CSMD1: variants seen among roughly 807,000 people sequenced by gnomAD.
The protein encoded by CSMD1 is CUB and Sushi multiple domains 1.
CSMD1 carries 213 observed loss-of-function variants against 417.5 expected under a neutral mutation model. That is an observed-to-expected ratio of 0.51 (90% CI 0.46 to 0.57). The LOEUF (loss-of-function observed/expected upper bound fraction) is 0.57. Ranked by LOEUF, CSMD1 falls within the 20% of genes least tolerant of loss-of-function variation. CSMD1 has a pLI of 0.00. For synonymous variants in CSMD1, 2,862 were observed against 1,736.8 expected, an observed-to-expected ratio of 1.65 and a Z score of -16.11; for missense variants, 6,923 against 4,529.7, an observed-to-expected ratio of 1.53 and a Z score of -15.17.
At chr8:3,896,339 T>A (rs555688371) in intron 5 of CSMD1, among the ~76,000 whole-genome samples, 8 of 152,318 alleles carry the variant, frequency 5.3e-5, no homozygotes, top group African/African-American at 1.7e-4. Context: ...TATACTCACT[T>A]TGCTGAATTA....
At chr8:3,832,005 A>AT (rs555096281) in intron 5 of CSMD1, among the ~76,000 whole-genome samples, 145 of 152,182 alleles carry the variant, frequency 9.5e-4, no homozygotes, top group African/African-American at 3.4e-3. Context: ...TTTTTGGTAA[A>AT]TTTTTAAAAA....
intron 12 of CSMD1, among the ~76,000 whole-genome samples, chr8:3,416,089 C>T (rs1813127355): frequency 6.6e-6 from 1 of 151,900 alleles, no homozygotes. Context: ...ATCATGAGGT[C>T]AGGAGATCGA....
chr8:4,007,590 C>T (rs1215663806), intron 4 of CSMD1, among the ~76,000 whole-genome samples: 1 of 152,194 alleles, frequency 6.6e-6, no homozygotes, highest in South Asian at 2.1e-4. Context: ...GAGTGCAAAG[C>T]AATGGAATGC....
intron 5 of CSMD1, among the ~76,000 whole-genome samples, chr8:3,827,659 T>A (rs1201488358): frequency 6.6e-6 from 1 of 152,254 alleles, no homozygotes; most frequent in Non-Finnish European, 1.5e-5. Context: ...AAACATGATT[T>A]TTGAAAGTCA....
At chr8:3,769,666 A>G (rs1798467688) in intron 5 of CSMD1, among the ~76,000 whole-genome samples, 1 of 152,170 alleles carries the variant, frequency 6.6e-6, no homozygotes, top group Non-Finnish European at 1.5e-5. Context: ...AGCTCTTTGT[A>G]TATCTATATA....
chr8:4,120,416 T>C (rs1320348717), intron 3 of CSMD1, among the ~76,000 whole-genome samples: 3 of 152,232 alleles, frequency 2.0e-5, no homozygotes, highest in Non-Finnish European at 4.4e-5. Context: ...CAATTGTTTG[T>C]TGAGTTTTCT....
intron 3 of CSMD1, among the ~76,000 whole-genome samples, chr8:4,359,850 G>C (rs1243274185): frequency 1.3e-5 from 2 of 152,236 alleles, no homozygotes; most frequent in African/African-American, 2.4e-5. Context: ...GCAAGACTCA[G>C]TGCAAGTCCA....
chr8:4,344,386 CAG>C (rs1488276930), intron 3 of CSMD1, among the ~76,000 whole-genome samples: 1 of 152,064 alleles, frequency 6.6e-6, no homozygotes, highest in African/African-American at 2.4e-5. Context: ...CGCTCAAGCT[CAG>C]AGAGTACCTA....
At chr8:4,213,357 C>G (rs1023237012) in intron 3 of CSMD1, among the ~76,000 whole-genome samples, 1 of 151,856 alleles carries the variant, frequency 6.6e-6, no homozygotes, top group Non-Finnish European at 1.5e-5. Context: ...GGGCCGTGCA[C>G]AAAAAAAGGC....
intron 1 of CSMD1, among the ~76,000 whole-genome samples, chr8:4,670,346 G>A (rs77167802): frequency 0.043 from 6,593 of 152,074 alleles, 145 homozygotes; most frequent in East Asian, 0.095. Context: ...ATTTATGACC[G>A]TGTCAAGATT....
At chr8:4,056,411 T>C (rs1000521064) in intron 3 of CSMD1, among the ~76,000 whole-genome samples, 1 of 151,862 alleles carries the variant, frequency 6.6e-6, no homozygotes, top group Admixed American at 6.6e-5. Flanking sequence ...TTTTTTTCTT[T>C]TTTTTTTGTT....
rs563817887 is a variant in CSMD1 at position 4,633,172 on chromosome 8, C to G, written c.302+4170G>C. ...AGGACAGCCTGTGCCAGGACAGGAG[C>G]CTTCGTAGGAACATTTACTATTAGG... is the stretch of plus-strand genomic sequence containing the variant. On this transcript the variant is annotated intron_variant, in intron 2 of 69. Coordinates refer to ENST00000635120, the MANE Select transcript of CSMD1 (RefSeq NM_033225.6). Among the ~76,000 whole-genome samples, 8 of 149,318 alleles carry G rather than the reference C, an allele frequency of 5.4e-5. No individual in the cohort carries two copies. In the East Asian group the frequency reaches 6.1e-4, roughly 11 times the overall value.
intron 8 of CSMD1, among the ~76,000 whole-genome samples, chr8:3,590,787 C>T (rs1322514303): frequency 6.6e-6 from 1 of 152,138 alleles, no homozygotes; most frequent in East Asian, 1.9e-4. Context: ...GGGAATAAAT[C>T]AAGTTGAGGC....
intron 3 of CSMD1, among the ~76,000 whole-genome samples, chr8:4,069,892 T>C (rs1288987820): frequency 6.6e-6 from 1 of 152,154 alleles, no homozygotes; most frequent in East Asian, 1.9e-4. Context: ...TTTTGTTTTG[T>C]TTTGTTTTGT....
intron 5 of CSMD1, among the ~76,000 whole-genome samples, chr8:3,820,608 C>G (rs947550060): frequency 1.3e-5 from 2 of 152,170 alleles, no homozygotes; most frequent in South Asian, 2.1e-4. Flanking sequence ...TGGAGTCTTG[C>G]TCTCTTGTCC....
At chr8:4,091,654 T>G (rs1800727156) in intron 3 of CSMD1, among the ~76,000 whole-genome samples, 1 of 152,314 alleles carries the variant, frequency 6.6e-6, no homozygotes, top group Admixed American at 6.5e-5. Context: ...CAACGAGTTC[T>G]TCAAAATCAA....
At chr8:4,578,201 C>T (rs1415878757) in intron 2 of CSMD1, among the ~76,000 whole-genome samples, 2 of 152,174 alleles carry the variant, frequency 1.3e-5, no homozygotes, top group African/African-American at 4.8e-5. Flanking sequence ...CGCTCTGTTG[C>T]CCACGCTGGA....
At position 4,905,680 on chromosome 8, in the gene CSMD1, C is replaced by T. The variant is rs531873459; in HGVS notation, c.85+88652G>A. ...TAAAACTACAAAAAAATTAGCCGGG[C>T]GTGGTGGCGGGCGCCTGTAGTCCCA... On this transcript the variant is annotated intron_variant, in intron 1 of 69. Transcript: ENST00000635120. 1.8e-4 allele frequency among the ~76,000 whole-genome samples: 28 copies of T among 151,824 alleles called. 1 individual carries two copies. Among genetic ancestry groups the T allele is most frequent in the Middle Eastern group, 3.4e-3 (1 of 294 alleles).
intron 1 of CSMD1, among the ~76,000 whole-genome samples, chr8:4,888,670 A>T (rs773030141): frequency 2.0e-5 from 3 of 152,152 alleles, no homozygotes; most frequent in Non-Finnish European, 4.4e-5. Context: ...TGCCAACAAA[A>T]GAAACCAGGG....
Sources: allele counts gnomAD v4.1 joint callset (sites outside exome capture counted in the v4.1 genomes callset), GRCh38; gene constraint gnomAD v4.1.1; transcripts MANE v1.5; gene names NCBI Gene and HGNC (gene_info 2026-07-23, HGNC 2026-07-21).